Variants in TLE7 observed in about 807,000 individuals in gnomAD.
TLE7 encodes TLE family member 7.
intron 4 of TLE7, among the ~76,000 whole-genome samples, 154 bp from the exon 5 acceptor site, chr16:71,432,479 G>T (rs2042809650): frequency 6.6e-6 from 1 of 152,196 alleles, no homozygotes; most frequent in South Asian, 2.1e-4. Flanking sequence ...AGCTCTTGAA[G>T]AAATGACACT....
At chr16:71,436,152 G>A (rs1465834909) in intron 1 of TLE7, among the ~76,000 whole-genome samples, 2 of 152,046 alleles carry the variant, frequency 1.3e-5, no homozygotes, top group African/African-American at 2.4e-5. Flanking sequence ...CCCATGGCAG[G>A]AAACTCACCT....
At chr16:71,440,294 G>T (rs13336790) in intron 1 of TLE7, among the ~76,000 whole-genome samples, 6,952 of 152,236 alleles carry the variant, frequency 0.046, 530 homozygotes, top group African/African-American at 0.15. Flanking sequence ...GTGCAACATT[G>T]TGATGTACCT....
At chr16:71,434,942 T>C (rs2042820536) in intron 1 of TLE7, among the ~76,000 whole-genome samples, 1 of 152,216 alleles carries the variant, frequency 6.6e-6, no homozygotes, top group Non-Finnish European at 1.5e-5. Context: ...AGCAGCACTG[T>C]TTGTGACAAT....
At chr16:71,430,805 C>T (rs1048588904) in intron 8 of TLE7, 64 bp from the exon 9 acceptor site, 3 of 397,888 alleles carry the variant, frequency 7.5e-6, no homozygotes, top group Non-Finnish European at 1.3e-5. Context: ...CCAGCACTGT[C>T]CCCAACCAGA....
chr16:71,440,991 C>T (rs972118739), intron 1 of TLE7, among the ~76,000 whole-genome samples: 3 of 152,166 alleles, frequency 2.0e-5, no homozygotes, highest in Admixed American at 6.5e-5. Context: ...TGGCGTCTCC[C>T]GCATCGTACA....
intron 8 of TLE7, among the ~76,000 whole-genome samples, 164 bp downstream of exon 8, chr16:71,430,957 G>A (rs1009327899): frequency 3.3e-5 from 5 of 152,100 alleles, no homozygotes; most frequent in African/African-American, 1.2e-4. Context: ...AATCAGATAG[G>A]GTTCACGCCT....
In TLE7 at chr16:71,431,151, G is replaced by A. The variant is rs554870730; in HGVS notation, c.1117C>T (p.Arg373Cys). 3.9e-4 allele frequency: 156 copies of A among 400,740 alleles called. No individual in the cohort carries two copies. Among genetic ancestry groups the A allele is most frequent in the Admixed American group, 2.2e-3 (51 of 22,742 alleles). 24.8% of individuals were successfully genotyped at this position (400,740 alleles called of 1,614,324 possible). A position where few individuals can be genotyped will look rare whatever the true frequency, so the allele number is the denominator to read the frequency against. ...QFKALMKKYTRHHSLKFASCG... is the reference protein window; with the variant it reads ...QFKALMKKYTCHHSLKFASCG... ...GAGGCAAACTTGAGGCTGTGGTGGCGGGTGTATTTTTTCATGAGAGCCTTA... is the reference window on the plus strand; with the variant it reads ...GAGGCAAACTTGAGGCTGTGGTGGCAGGTGTATTTTTTCATGAGAGCCTTA... Residue 373 changes from arginine (R) to cysteine (C), a missense_variant, in exon 8 of 10, where the codon CGC becomes TGC. Arg to Cys is a radical substitution (Grantham distance 180, BLOSUM62 -3). Transcript: ENST00000561754. This position sits in a 1 kb window ranked among gnomAD's most constrained non-coding sequence, Gnocchi z 4.5.
chr16:71,430,042 AG>A lies in TLE7; in HGVS notation c.*219del, dbSNP rs1405112232. ...GATCTCAAGTTTCCTGCCAAAACCCAGAAATCAGTGGTAGGAAGATAACAAA... is the reference window on the plus strand; with the variant it reads ...GATCTCAAGTTTCCTGCCAAAACCCAAAATCAGTGGTAGGAAGATAACAAA... On this transcript the variant is annotated 3_prime_UTR_variant, in exon 10 of 10. Coordinates refer to ENST00000561754, the MANE Select transcript of TLE7 (RefSeq NM_001367365.2). 6.6e-6 allele frequency among the ~76,000 whole-genome samples: 1 copy of A among 152,344 alleles called. No individual in the cohort carries two copies. The highest frequency in any genetic ancestry group is 1.9e-4 in the East Asian group (1 of 5,190).
intron 1 of TLE7, among the ~76,000 whole-genome samples, chr16:71,439,764 C>A (rs530265054): frequency 2.0e-5 from 3 of 152,280 alleles, no homozygotes; most frequent in Non-Finnish European, 4.4e-5. Flanking sequence ...AACCCTCCTA[C>A]GTTGCTGATA....
At chr16:71,433,506 G>A (rs2042815390) in intron 1 of TLE7, 86 bp from the exon 2 acceptor site, 2 of 395,958 alleles carry the variant, frequency 5.1e-6, no homozygotes, top group Non-Finnish European at 8.9e-6. Context: ...CTCCTTTGGT[G>A]AAAAGATTCA....
At chr16:71,438,777 G>A (rs542119729) in intron 1 of TLE7, among the ~76,000 whole-genome samples, 1 of 152,096 alleles carries the variant, frequency 6.6e-6, no homozygotes, top group Admixed American at 6.5e-5. Flanking sequence ...CAAGTTAAAG[G>A]CAATTGGTGC....
At chr16:71,433,756 G>A (rs1209503659) in intron 1 of TLE7, among the ~76,000 whole-genome samples, 1 of 152,110 alleles carries the variant, frequency 6.6e-6, no homozygotes, top group Admixed American at 6.5e-5. Flanking sequence ...CCAGGAGTTT[G>A]AGACCAGCCT....
rs1371542437 is a variant in TLE7, at chr16:71,430,713, C to A, written c.1176G>T (p.Thr392=). The change falls in exon 9 of 10, where the codon ACG becomes ACT. Residue 392 remains threonine, a synonymous_variant. Transcript: ENST00000561754. ...AAGGTGCCTCCAAGCCACTGAGGCG[C>A]GTATCTATCGCGGTCACAAAATAGC... ...CGSYFVTAID[T]RLSGLEAPSL... is the part of the protein sequence containing the mutation. The A allele has an allele frequency of 2.5e-6, 1 of 398,600 alleles. No individual in the cohort carries two copies. Among genetic ancestry groups the A allele is most frequent in the Non-Finnish European group, 4.4e-6 (1 of 226,090 alleles). The allele number at this position is 398,600 out of a possible 1,614,324, so 24.7% of individuals were successfully genotyped here.
At chr16:71,438,051 T>C (rs149108368) in intron 1 of TLE7, among the ~76,000 whole-genome samples, 2 of 152,266 alleles carry the variant, frequency 1.3e-5, no homozygotes, top group Admixed American at 1.3e-4. Flanking sequence ...ACAAGTTTAT[T>C]AGAAACTACT....
chr16:71,437,279 G>A (rs1347594979), intron 1 of TLE7, among the ~76,000 whole-genome samples: 1 of 151,074 alleles, frequency 6.6e-6, no homozygotes, highest in Non-Finnish European at 1.5e-5. Flanking sequence ...AATCTGGGAG[G>A]TGGAGGCTGC....
rs553661694 is a variant in TLE7, at chr16:71,435,857, G to A, written c.-96-2437C>T. Among the ~76,000 whole-genome samples, 3 of 152,338 alleles carry A rather than the reference G, an allele frequency of 2.0e-5. No individual in the cohort carries two copies. In the South Asian group the frequency reaches 6.2e-4, roughly 32 times the overall value. ...ACACCAGGGCTGAGCTTGGAGCATGGAAACTCCCAGCAGAGACCACCACTG... is the reference window on the plus strand; with the variant it reads ...ACACCAGGGCTGAGCTTGGAGCATGAAAACTCCCAGCAGAGACCACCACTG... On this transcript the variant is annotated intron_variant, in intron 1 of 9. Coordinates refer to ENST00000561754, the MANE Select transcript of TLE7 (RefSeq NM_001367365.2).
chr16:71,439,104 T>C (rs939686636), intron 1 of TLE7, among the ~76,000 whole-genome samples: 1 of 152,188 alleles, frequency 6.6e-6, no homozygotes, highest in Admixed American at 6.5e-5. Context: ...CCCACAGAGC[T>C]GACCATGACC....
At chr16:71,430,813 A>C (rs2042798911) in intron 8 of TLE7, 72 bp from the exon 9 acceptor site, 1 of 397,834 alleles carries the variant, frequency 2.5e-6, no homozygotes. Context: ...GTCCCCAACC[A>C]GACTAAGGGC....
At chr16:71,437,812 T>C (rs2042832161) in intron 1 of TLE7, among the ~76,000 whole-genome samples, 1 of 152,218 alleles carries the variant, frequency 6.6e-6, no homozygotes, top group Non-Finnish European at 1.5e-5. Flanking sequence ...TGGCTGCTAC[T>C]TACAGAGGAA....
Sources: allele counts gnomAD v4.1 joint callset (sites outside exome capture counted in the v4.1 genomes callset), GRCh38; gene constraint gnomAD v4.1.1; non-coding constraint Gnocchi (gnomAD v3.1); transcripts MANE v1.5; gene names NCBI Gene and HGNC (gene_info 2026-07-23, HGNC 2026-07-21).